Variants in ATR observed in about 807,000 individuals in gnomAD.
ATR encodes the protein ATR checkpoint kinase.
Under a neutral mutation model 305.3 loss-of-function variants are expected in ATR, and 142 were observed. The observed-to-expected ratio is 0.47, with a 90% CI of 0.41 to 0.53. The LOEUF is 0.53. Ranked by LOEUF, ATR falls within the 20% of genes least tolerant of loss-of-function variation. The probability of loss-of-function intolerance (pLI) is 0.00; values close to 1 mark genes in which losing one functional copy is unlikely to be tolerated. For synonymous variants in ATR, 1,050 were observed against 1,068.1 expected, an observed-to-expected ratio of 0.98 and a Z score of 0.33; for missense variants, 2,135 against 3,133.1, an observed-to-expected ratio of 0.68 and a Z score of 7.60.
intron 35 of ATR, among the ~76,000 whole-genome samples, chr3:142,485,735 T>C (rs1167226463): frequency 6.6e-6 from 1 of 152,190 alleles, no homozygotes; most frequent in Non-Finnish European, 1.5e-5. Flanking sequence ...ATAAAAATTT[T>C]GGTAAAATAA....
At chr3:142,458,663 T>TA (rs2070960355) in intron 44 of ATR, among the ~76,000 whole-genome samples, 1 of 152,168 alleles carries the variant, frequency 6.6e-6, no homozygotes, top group Non-Finnish European at 1.5e-5. Flanking sequence ...TGAGTCTCAG[T>TA]AAAATGAACT....
chr3:142,502,721 G>C (rs767319538), intron 30 of ATR, among the ~76,000 whole-genome samples: 2 of 152,116 alleles, frequency 1.3e-5, no homozygotes, highest in Non-Finnish European at 2.9e-5. Flanking sequence ...CTTTTGACCA[G>C]ATTTTACTGC....
intron 22 of ATR, among the ~76,000 whole-genome samples, chr3:142,523,336 C>T (rs974265696): frequency 6.6e-6 from 1 of 152,054 alleles, no homozygotes; most frequent in East Asian, 1.9e-4. Flanking sequence ...AGGACAATCG[C>T]TTGAATCCAG....
At chr3:142,486,056 C>A (rs1235766901) in intron 35 of ATR, among the ~76,000 whole-genome samples, 2 of 151,088 alleles carry the variant, frequency 1.3e-5, no homozygotes, top group African/African-American at 5.0e-5. Context: ...TCTGGCCACT[C>A]TCACTTAGTC....
At chr3:142,568,004 T>A in intron 2 of ATR, 59 bp downstream of exon 2, 1 of 1,323,336 alleles carries the variant, frequency 7.6e-7, no homozygotes, top group Non-Finnish European at 1.0e-6. Context: ...CTATAATTTA[T>A]ACATGGAAAA....
chr3:142,455,773 G>A (rs1305963048), intron 45 of ATR, among the ~76,000 whole-genome samples: 2 of 152,164 alleles, frequency 1.3e-5, no homozygotes, highest in African/African-American at 4.8e-5. Flanking sequence ...AGAGCTAAAA[G>A]TCAAAAATGC....
Position 142,449,543 on chromosome 3 carries a change from A to G in ATR, c.7821T>C (p.Asn2607=), listed in dbSNP as rs1315255360. Residue 2607 remains asparagine, a synonymous_variant, in exon 47 of 47, where the codon AAT becomes AAC. Transcript: ENST00000350721. ...TAGATAACGGCAGTCCTGTCACTCTATTTCGAGTCTTGATTACACCTTGTA... is the reference window on the plus strand; with the variant it reads ...TAGATAACGGCAGTCCTGTCACTCTGTTTCGAGTCTTGATTACACCTTGTA... ...QRLQGVIKTR[N]RVTGLPLSIE... is the part of the protein sequence containing the mutation. 1.9e-6 allele frequency: 3 copies of G among 1,614,000 alleles called. No homozygotes were observed. In the African/African-American group the frequency reaches 4.0e-5, roughly 22 times the overall value.
intron 27 of ATR, 103 bp from the exon 28 acceptor site, chr3:142,508,212 C>T: frequency 2.1e-6 from 2 of 956,314 alleles, no homozygotes; most frequent in Non-Finnish European, 3.1e-6. Context: ...ACAAATTAAT[C>T]TGAATATATT....
At chr3:142,542,196 A>G (rs1193301836) in intron 17 of ATR, among the ~76,000 whole-genome samples, 3 of 152,160 alleles carry the variant, frequency 2.0e-5, no homozygotes, top group Non-Finnish European at 2.9e-5. Context: ...TAAACCAAGG[A>G]GACTCAATGA....
At chr3:142,479,781 C>T (rs188888340) in intron 36 of ATR, among the ~76,000 whole-genome samples, 8 of 152,094 alleles carry the variant, frequency 5.3e-5, no homozygotes, top group East Asian at 1.9e-4. Flanking sequence ...AGGCTTTGTT[C>T]GTTTCTTTTT....
chr3:142,553,110 A>G (rs1467069700), intron 13 of ATR, 117 bp downstream of exon 13: 8 of 1,324,366 alleles, frequency 6.0e-6, no homozygotes, highest in Non-Finnish European at 8.4e-6. Flanking sequence ...AACTTAAAAT[A>G]TAAATTGAAG....
intron 36 of ATR, among the ~76,000 whole-genome samples, chr3:142,474,259 AG>A (rs1459207376): frequency 2.0e-5 from 3 of 152,156 alleles, no homozygotes. Context: ...CAAAAAAAAA[AG>A]GAAAGAAAGA....
chr3:142,476,690 G>A (rs971564697), intron 36 of ATR, among the ~76,000 whole-genome samples: 3 of 152,104 alleles, frequency 2.0e-5, no homozygotes, highest in African/African-American at 7.2e-5. Context: ...TGGGCAGTAT[G>A]GCCATTTTCA....
In ATR at chr3:142,493,235, T is replaced by C. The variant is rs2031397109; in HGVS notation, c.5975A>G (p.Glu1992Gly). ...LCFPENETPP[E>G]GKNMLIHGRA... is the part of the protein sequence containing the mutation. Reference sequence around the variant, plus strand: ...ACCATGGATTAACATGTTCTTACCCTCAGGTGGGGTTTCATTTTCAGGAAA... The same window carrying C: ...ACCATGGATTAACATGTTCTTACCCCCAGGTGGGGTTTCATTTTCAGGAAA... The change falls in exon 35 of 47, where the codon GAG (glutamate) becomes GGG (glycine). Residue 1992 changes from glutamate to glycine, a missense_variant. Transcript: ENST00000350721. The C allele has an allele frequency of 5.0e-6, 8 of 1,613,882 alleles. No homozygotes were observed. Among genetic ancestry groups the C allele is most frequent in the African/African-American group, 1.3e-5 (1 of 74,912 alleles).
rs573691287 is a variant in ATR, at chr3:142,568,921, G to T, written c.60-767C>A. Among the ~76,000 whole-genome samples the T allele has an allele frequency of 2.0e-5, 3 of 152,350 alleles. No homozygotes were observed. The South Asian group carries it at 6.2e-4, about 32-fold the overall frequency. On this transcript the variant is annotated intron_variant, in intron 1 of 46. Coordinates refer to ENST00000350721, the MANE Select transcript of ATR (RefSeq NM_001184.4). The stretch of plus-strand genomic sequence containing the variant: ...CGGTAGGCTGAGGGCAGCTCAATAT[G>T]GGCCTGCAGGCGCCCCTCGGCACGA...
intron 25 of ATR, 138 bp from the exon 26 acceptor site, chr3:142,513,776 A>C (rs2032714027): frequency 2.0e-6 from 2 of 989,562 alleles, no homozygotes; most frequent in Admixed American, 3.0e-5. Flanking sequence ...TTTTTAATTA[A>C]ATTATTTGGG....
intron 36 of ATR, among the ~76,000 whole-genome samples, chr3:142,482,321 T>C (rs1213146615): frequency 6.6e-6 from 1 of 152,194 alleles, no homozygotes; most frequent in African/African-American, 2.4e-5. Context: ...TACAAATATT[T>C]TATTTTAACT....
chr3:142,506,104 G>A (rs541035587), intron 28 of ATR, among the ~76,000 whole-genome samples: 2 of 152,276 alleles, frequency 1.3e-5, no homozygotes, highest in African/African-American at 4.8e-5. Flanking sequence ...AAAAGAAAAA[G>A]AGAAGTCTTG....
Position 142,461,953 on chromosome 3 carries a change from T to C in ATR, c.7179A>G (p.Leu2393=), listed in dbSNP as rs2071030538. The C allele has an allele frequency of 9.3e-6, 15 of 1,613,588 alleles. No homozygotes were observed. Among genetic ancestry groups the C allele is most frequent in the Non-Finnish European group, 1.2e-5 (14 of 1,179,734 alleles). ...TAATTTTAGTACCCTTTTCTTTATA[T>C]AGTTTGGTCAGAATAGGTCTCAAAC... is the stretch of plus-strand genomic sequence containing the variant. The part of the protein sequence containing the change: ...TAGLRPILTK[L]YKEKGVYMTG... The change falls in exon 42 of 47, where the codon CTA becomes CTG. Residue 2393 remains leucine (L), a synonymous_variant. Coordinates refer to ENST00000350721, the MANE Select transcript of ATR (RefSeq NM_001184.4).
Sources: gnomAD v4.1 joint callset for allele counts (sites outside exome capture counted in the v4.1 genomes callset) on GRCh38, gnomAD v4.1.1 for gene constraint, MANE v1.5 for transcripts, NCBI Gene and HGNC (gene_info 2026-07-23, HGNC 2026-07-21) for gene names.